Variants in DOCK7 observed in about 807,000 individuals in gnomAD.
DOCK7 encodes dedicator of cytokinesis protein 7.
DOCK7 carries 138 observed loss-of-function variants against 271.0 expected under a neutral mutation model. The ratio of observed to expected loss-of-function variants is 0.51; its 90% CI spans 0.44 to 0.59. The LOEUF (loss-of-function observed/expected upper bound fraction) is 0.59. Ranked by LOEUF, DOCK7 falls within the 20% of genes least tolerant of loss-of-function variation. DOCK7 has a pLI of 0.00. For missense variants in DOCK7, 2,066 were observed against 2,592.4 expected (o/e 0.80, Z 4.41); for synonymous variants, 823 against 876.1 (o/e 0.94, Z 1.07).
At chr1:62,588,700 G>A (rs889307701) in intron 14 of DOCK7, among the ~76,000 whole-genome samples, 1 of 151,914 alleles carries the variant, frequency 6.6e-6, no homozygotes, top group African/African-American at 2.4e-5. Context: ...ATTAGTAGAC[G>A]ATGATCAATG....
intron 22 of DOCK7, among the ~76,000 whole-genome samples, chr1:62,551,012 T>C (rs1481750001): frequency 6.6e-6 from 1 of 152,132 alleles, no homozygotes; most frequent in South Asian, 2.1e-4. Context: ...TGAGCCACCA[T>C]ACCCAGCCTG....
intron 1 of DOCK7, 39 bp downstream of exon 1, chr1:62,688,188 C>G: frequency 7.4e-7 from 1 of 1,357,724 alleles, no homozygotes; most frequent in Non-Finnish European, 9.6e-7. Context: ...GGCTCTTTCT[C>G]GGGCGGCGGC....
At chr1:62,469,407 T>C (rs149292408) in intron 48 of DOCK7, among the ~76,000 whole-genome samples, 197 of 152,328 alleles carry the variant, frequency 1.3e-3, no homozygotes, top group East Asian at 7.7e-4. Flanking sequence ...TCCCACCTTA[T>C]ACAAATCAAC....
chr1:62,603,027 T>C (rs1474102443), intron 14 of DOCK7, among the ~76,000 whole-genome samples: 1 of 151,792 alleles, frequency 6.6e-6, no homozygotes, highest in Non-Finnish European at 1.5e-5. Context: ...TTCATTATTA[T>C]ATCAAATTTT....
chr1:62,553,346 ATATATATATTTTTTTTTTTT>A (rs1272550162), intron 21 of DOCK7, among the ~76,000 whole-genome samples: 81 of 24,376 alleles, frequency 3.3e-3, no homozygotes, highest in Admixed American at 5.1e-3. Flanking sequence ...ATATATATAT[ATATATATATTTTTTTTTTTT>A]TTTTTTTTTT....
chr1:62,633,139 C>T (rs1271055359), intron 10 of DOCK7, among the ~76,000 whole-genome samples: 1 of 151,998 alleles, frequency 6.6e-6, no homozygotes, highest in Non-Finnish European at 1.5e-5. Context: ...GTCAATATCA[C>T]TATTTTATAA....
At chr1:62,601,904 T>G (rs145535735) in intron 14 of DOCK7, 3 of 1,491,066 alleles carry the variant, frequency 2.0e-6, no homozygotes, top group Admixed American at 3.4e-5. Context: ...CTAAGGAGAA[T>G]AGACAGTAGT....
At chr1:62,647,278 T>C (rs1434249312) in intron 7 of DOCK7, among the ~76,000 whole-genome samples, 1 of 152,088 alleles carries the variant, frequency 6.6e-6, no homozygotes, top group Non-Finnish European at 1.5e-5. Flanking sequence ...AAGGAAAAAA[T>C]ACGTATTTCA....
intron 18 of DOCK7, among the ~76,000 whole-genome samples, chr1:62,564,318 T>C (rs1646437933): frequency 1.3e-5 from 2 of 152,250 alleles, no homozygotes; most frequent in South Asian, 4.1e-4. Context: ...TAATTTGAAG[T>C]AAAACACTCC....
At chr1:62,641,908 A>G (rs1397147776) in intron 7 of DOCK7, among the ~76,000 whole-genome samples, 1 of 152,024 alleles carries the variant, frequency 6.6e-6, no homozygotes, top group African/African-American at 2.4e-5. Flanking sequence ...ATTATATCGT[A>G]ATATATATTT....
intron 14 of DOCK7, among the ~76,000 whole-genome samples, chr1:62,602,117 G>A (rs1217507814): frequency 6.6e-6 from 1 of 151,452 alleles, no homozygotes; most frequent in Non-Finnish European, 1.5e-5. Context: ...TTCATTAATT[G>A]CCTTTCACTT....
intron 18 of DOCK7, among the ~76,000 whole-genome samples, chr1:62,571,608 T>C (rs59505425): frequency 0.037 from 5,593 of 152,258 alleles, 253 homozygotes; most frequent in African/African-American, 0.11. Flanking sequence ...CATGTGTATG[T>C]TCATTGCAGC....
intron 1 of DOCK7, among the ~76,000 whole-genome samples, chr1:62,680,123 C>T (rs571006795): frequency 2.0e-5 from 3 of 152,282 alleles, no homozygotes; most frequent in South Asian, 4.2e-4. Flanking sequence ...CATCATGCTA[C>T]CTGACTTCAA....
intron 48 of DOCK7, among the ~76,000 whole-genome samples, chr1:62,462,141 CCT>C (rs1159442409): frequency 2.0e-5 from 3 of 151,132 alleles, no homozygotes; most frequent in Non-Finnish European, 4.4e-5. Flanking sequence ...ATGTACAAGA[CCT>C]CTACACAAAA....
chr1:62,591,928 T>C (rs888471720), intron 14 of DOCK7, among the ~76,000 whole-genome samples: 2 of 152,208 alleles, frequency 1.3e-5, no homozygotes, highest in African/African-American at 4.8e-5. Flanking sequence ...CTATTACCAG[T>C]CCCTTAAATA....
At chr1:62,576,694 T>A (rs2149479926) in intron 18 of DOCK7, among the ~76,000 whole-genome samples, 1 of 152,326 alleles carries the variant, frequency 6.6e-6, no homozygotes. Flanking sequence ...AGAGGAACTT[T>A]GGTTTATGAA....
intron 1 of DOCK7, among the ~76,000 whole-genome samples, chr1:62,666,539 A>T (rs957851608): frequency 5.3e-5 from 8 of 152,234 alleles, no homozygotes; most frequent in Non-Finnish European, 1.2e-4. Flanking sequence ...TGCATTTACA[A>T]CTGGGACCTT....
intron 22 of DOCK7, among the ~76,000 whole-genome samples, chr1:62,549,785 G>C (rs1645833989): frequency 6.6e-6 from 1 of 150,864 alleles, no homozygotes; most frequent in Admixed American, 6.6e-5. Context: ...TTATTTTTCT[G>C]TACCCATTAA....
At chr1:62,584,183 AT>A in intron 15 of DOCK7, 2 of 984,178 alleles carry the variant, frequency 2.0e-6, no homozygotes, top group Non-Finnish European at 2.4e-6. Context: ...ATTAGCAGGT[AT>A]TTCTGTTTCT....
Sources: gnomAD v4.1 joint callset for allele counts (sites outside exome capture counted in the v4.1 genomes callset) on GRCh38, gnomAD v4.1.1 for gene constraint, MANE v1.5 for transcripts, NCBI Gene and HGNC (gene_info 2026-07-23, HGNC 2026-07-21) for gene names.